C10orf67: variants seen among roughly 807,000 people sequenced by gnomAD.
The protein encoded by C10orf67 is uncharacterized protein C10orf67, mitochondrial.
Under a neutral mutation model 35.6 loss-of-function variants are expected in C10orf67, and 60 were observed. That is an observed-to-expected ratio of 1.68 (90% confidence interval 1.37 to 2.09). The LOEUF (loss-of-function observed/expected upper bound fraction) is 2.09, where lower values mean the gene tolerates loss of function less well. Among genes scored for constraint, C10orf67 ranks in the 30% most tolerant of loss-of-function variants. C10orf67 has a pLI of 0.00. For synonymous variants in C10orf67, 167 were observed against 115.8 expected (o/e 1.44, Z -2.84); for missense variants, 474 against 330.2 (o/e 1.44, Z -3.38).
At chr10:23,254,796 C>T (rs1037254053) in intron 10 of C10orf67, among the ~76,000 whole-genome samples, 2 of 152,136 alleles carry the variant, frequency 1.3e-5, no homozygotes, top group African/African-American at 4.8e-5. Context: ...ACCCTCACAT[C>T]TCTGTTTTCT....
intron 2 of C10orf67, among the ~76,000 whole-genome samples, chr10:23,328,223 G>A (rs773923112): frequency 1.9e-4 from 29 of 152,090 alleles, no homozygotes; most frequent in Non-Finnish European, 2.6e-4. Context: ...CCCAATATCC[G>A]GCATCATGGT....
intron 1 of C10orf67, among the ~76,000 whole-genome samples, chr10:23,341,099 T>C (rs1179108124): frequency 6.6e-6 from 1 of 152,216 alleles, no homozygotes; most frequent in Non-Finnish European, 1.5e-5. Flanking sequence ...AACTTTGATG[T>C]GCCCCATGGC....
At chr10:23,284,702 A>G (rs937406305) in intron 7 of C10orf67, among the ~76,000 whole-genome samples, 2 of 151,854 alleles carry the variant, frequency 1.3e-5, no homozygotes, top group African/African-American at 4.8e-5. Flanking sequence ...CCCCCAAACA[A>G]ACAAACAAAC....
chr10:23,220,528 T>C (rs1406066490), intron 15 of C10orf67, among the ~76,000 whole-genome samples: 1 of 152,232 alleles, frequency 6.6e-6, no homozygotes, highest in East Asian at 1.9e-4. Context: ...CACTGTGTTT[T>C]ATTGAAAATG....
At chr10:23,252,390 T>A (rs546341106) in intron 10 of C10orf67, among the ~76,000 whole-genome samples, 16 of 152,374 alleles carry the variant, frequency 1.1e-4, no homozygotes, top group Admixed American at 5.2e-4. Flanking sequence ...TATTTTTTAC[T>A]GAAATAATAT....
At chr10:23,237,108 C>T (rs1455729563) in intron 13 of C10orf67, among the ~76,000 whole-genome samples, 1 of 152,130 alleles carries the variant, frequency 6.6e-6, no homozygotes, top group Non-Finnish European at 1.5e-5. Flanking sequence ...ATGTTTAGCT[C>T]TCACTTATAA....
At chr10:23,252,942 G>A (rs1021765750) in intron 10 of C10orf67, among the ~76,000 whole-genome samples, 2 of 151,432 alleles carry the variant, frequency 1.3e-5, no homozygotes, top group Admixed American at 6.6e-5. Context: ...TCACGGTGGC[G>A]GGTCTTTCCC....
chr10:23,256,186 G>C lies in C10orf67; in HGVS notation c.1201-5495C>G, dbSNP rs117982483. 3.1e-3 allele frequency among the ~76,000 whole-genome samples: 477 copies of C among 152,046 alleles called. 1 individual carries two copies. Among genetic ancestry groups the C allele is most frequent in the Non-Finnish European group, 5.0e-3 (339 of 67,984 alleles). On this transcript the variant is annotated intron_variant, in intron 10 of 15. Coordinates refer to ENST00000636213, the MANE Select transcript of C10orf67 (RefSeq NM_001371909.1). Reference sequence around the variant, plus strand: ...CTGGCTAATTTTCGTATTTTTTTTAGAGAAGAAGTCTTGCTATGTTCCCCA... The same window carrying C: ...CTGGCTAATTTTCGTATTTTTTTTACAGAAGAAGTCTTGCTATGTTCCCCA...
chr10:23,281,164 TTGTAA>T, intron 8 of C10orf67, among the ~76,000 whole-genome samples: 1 of 152,240 alleles, frequency 6.6e-6, no homozygotes, highest in Non-Finnish European at 1.5e-5. Flanking sequence ...GAAGGCTTTA[TTGTAA>T]TCCAGGAGAA....
intron 10 of C10orf67, 90 bp from the exon 11 acceptor site, chr10:23,250,781 T>C: frequency 5.0e-6 from 2 of 396,858 alleles, no homozygotes; most frequent in East Asian, 3.6e-5. Context: ...CTATAAATAG[T>C]ATGCATACTC....
chr10:23,342,340 T>A (rs923272031), intron 1 of C10orf67, among the ~76,000 whole-genome samples: 4 of 152,164 alleles, frequency 2.6e-5, no homozygotes, highest in Non-Finnish European at 2.9e-5. Context: ...TACTTGTTTA[T>A]CTAGTTCATC....
At chr10:23,241,302 C>T (rs1842169610) in intron 12 of C10orf67, among the ~76,000 whole-genome samples, 1 of 151,952 alleles carries the variant, frequency 6.6e-6, no homozygotes, top group Admixed American at 6.6e-5. Context: ...AAATTTTGTC[C>T]CAGGATGAAT....
intron 4 of C10orf67, among the ~76,000 whole-genome samples, chr10:23,307,526 G>A (rs1443402059): frequency 1.3e-5 from 2 of 151,476 alleles, no homozygotes; most frequent in South Asian, 2.1e-4. Context: ...ATTAAAAAGA[G>A]TGAAAAAGAA....
In C10orf67 at chr10:23,322,544, A is replaced by G; in HGVS notation, c.328-7T>C. 6.3e-7 allele frequency: 1 copy of G among 1,581,672 alleles called. No homozygotes were observed. The highest frequency in any genetic ancestry group is 8.7e-7 in the Non-Finnish European group (1 of 1,154,602). On this transcript the variant is annotated splice_region_variant and splice_polypyrimidine_tract_variant and intron_variant, in intron 2 of 15. Transcript: ENST00000636213. ...CCTGGAGGGATTTCATCATCTAAAA[A>G]TGGAAAATATTATCCTTAGCGAAGT... is the stretch of plus-strand genomic sequence containing the variant.
intron 13 of C10orf67, among the ~76,000 whole-genome samples, chr10:23,233,000 T>C (rs1841952288): frequency 6.6e-6 from 1 of 151,788 alleles, no homozygotes; most frequent in Non-Finnish European, 1.5e-5. Context: ...CTAAAGAATA[T>C]AAAAAAATTA....
At chr10:23,328,993 C>CAAAAAAAAAAAAAAAAAAAAAA (rs57772405) in intron 2 of C10orf67, among the ~76,000 whole-genome samples, 12 of 78,734 alleles carry the variant, frequency 1.5e-4, no homozygotes, top group South Asian at 4.7e-4. Context: ...CATAAACGAA[C>CAAAAAAAAAAAAAAAAAAAAAA]AAAAAAAAAA....
At position 23,302,376 on chromosome 10, in the gene C10orf67, C is replaced by T. The variant is rs184066351; in HGVS notation, c.702+928G>A. On this transcript the variant is annotated intron_variant, in intron 5 of 15. Transcript: ENST00000636213. The stretch of plus-strand genomic sequence containing the variant: ...ATTCAGGTGAACCTTGGTTCATGTA[C>T]CATCTTTACCATCTACTACGTTTGC... 7.9e-4 allele frequency among the ~76,000 whole-genome samples: 121 copies of T among 152,226 alleles called. 2 individuals carry two copies. Among genetic ancestry groups the T allele is most frequent in the Admixed American group, 3.1e-3 (48 of 15,290 alleles).
At chr10:23,249,316 G>T (rs966295091) in intron 12 of C10orf67, among the ~76,000 whole-genome samples, 1 of 152,060 alleles carries the variant, frequency 6.6e-6, no homozygotes, top group East Asian at 1.9e-4. Flanking sequence ...AAACCTATTT[G>T]CAGGGAAAGG....
Position 23,267,192 on chromosome 10 carries a change from A to G in C10orf67, c.1035+3T>C, listed in dbSNP as rs1199124176. 1 of 710,472 alleles carries G rather than the reference A, an allele frequency of 1.4e-6. No homozygotes were observed. Among genetic ancestry groups the G allele is most frequent in the Non-Finnish European group, 2.6e-6 (1 of 383,274 alleles). 44.0% of individuals were successfully genotyped at this position (710,472 alleles called of 1,614,324 possible). On this transcript the variant is annotated splice_donor_region_variant and intron_variant, in intron 9 of 15. Transcript: ENST00000636213. ...GAGAGAGAGAAAAAACTTAAATACAAACCTTTACACTTAAGCTGCCATACT... is the reference window on the plus strand; with the variant it reads ...GAGAGAGAGAAAAAACTTAAATACAGACCTTTACACTTAAGCTGCCATACT...
Sources: allele counts gnomAD v4.1 joint callset (sites outside exome capture counted in the v4.1 genomes callset), GRCh38; gene constraint gnomAD v4.1.1; transcripts MANE v1.5; gene names NCBI Gene and HGNC (gene_info 2026-07-23, HGNC 2026-07-21).